Variants in SNRNP70 observed in about 807,000 individuals in gnomAD.
SNRNP70 encodes U1 small nuclear ribonucleoprotein 70 kDa.
Under a neutral mutation model 50.5 loss-of-function variants are expected in SNRNP70, and 8 were observed. The ratio of observed to expected loss-of-function variants is 0.16; its 90% confidence interval spans 0.09 to 0.29. The LOEUF is 0.29. Among genes scored for constraint, SNRNP70 ranks in the 10% least tolerant of loss-of-function variants. The probability of loss-of-function intolerance (pLI) is 1.00; values close to 1 mark genes in which losing one functional copy is unlikely to be tolerated. For missense variants in SNRNP70, 529 were observed against 663.5 expected (o/e 0.80, Z 2.23); for synonymous variants, 320 against 252.9 (o/e 1.27, Z -2.52).
chr19:49,099,102 G>C (rs1463218003), intron 6 of SNRNP70, among the ~76,000 whole-genome samples: 1 of 151,982 alleles, frequency 6.6e-6, no homozygotes, highest in Non-Finnish European at 1.5e-5. Context: ...TCCCGTTTTA[G>C]AGGAAGGCTT....
chr19:49,104,777 G>A lies in SNRNP70; in HGVS notation c.577+42G>A. The A allele has an allele frequency of 1.5e-6, 2 of 1,320,942 alleles. No individual in the cohort carries two copies. Among genetic ancestry groups the A allele is most frequent in the South Asian group, 1.4e-5 (1 of 71,954 alleles). The allele number at this position is 1,320,942 out of a possible 1,614,324, so 81.8% of individuals were successfully genotyped here. A position where few individuals can be genotyped will look rare whatever the true frequency, so the allele number is the denominator to read the frequency against. ...TTCGACGGGCTCTCGGGGGCCCTGG[G>A]CCTGGTGGCCTTGTTCTCCCTTCTC... On this transcript the variant is annotated intron_variant, in intron 8 of 9. Coordinates refer to ENST00000598441, the MANE Select transcript of SNRNP70 (RefSeq NM_003089.6). This position sits in a 1 kb window ranked among gnomAD's most constrained non-coding sequence, Gnocchi z 5.4.
intron 2 of SNRNP70, among the ~76,000 whole-genome samples, chr19:49,089,183 A>G (rs1401815602): frequency 6.6e-6 from 1 of 152,208 alleles, no homozygotes; most frequent in African/African-American, 2.4e-5. Flanking sequence ...AGAAAGATCT[A>G]CAGTCAGGAG....
intron 6 of SNRNP70, among the ~76,000 whole-genome samples, chr19:49,099,226 C>T (rs957974544): frequency 1.3e-5 from 2 of 152,200 alleles, no homozygotes; most frequent in African/African-American, 4.8e-5. Flanking sequence ...GGCCATCCTA[C>T]ACACAAACTG....
At chr19:49,086,937 G>A (rs1334556765) in intron 2 of SNRNP70, among the ~76,000 whole-genome samples, 1 of 151,924 alleles carries the variant, frequency 6.6e-6, no homozygotes, top group Non-Finnish European at 1.5e-5. Flanking sequence ...TGTAATCCCA[G>A]TACTTTGGGA....
chr19:49,087,107 G>A (rs2122299629), intron 2 of SNRNP70, among the ~76,000 whole-genome samples: 1 of 148,896 alleles, frequency 6.7e-6, no homozygotes, highest in East Asian at 2.0e-4. Context: ...TTGAACCCAG[G>A]AGGCGGAGGT....
chr19:49,107,534 C>T lies in SNRNP70; in HGVS notation c.578-91C>T. 7.9e-7 allele frequency: 1 copy of T among 1,261,596 alleles called. No homozygotes were observed. Among genetic ancestry groups the T allele is most frequent in the Non-Finnish European group, 1.2e-6 (1 of 867,690 alleles). 78.2% of individuals were successfully genotyped at this position (1,261,596 alleles called of 1,614,324 possible). A position where few individuals can be genotyped will look rare whatever the true frequency, so the allele number is the denominator to read the frequency against. On this transcript the variant is annotated intron_variant, in intron 8 of 9. Coordinates refer to ENST00000598441, the MANE Select transcript of SNRNP70 (RefSeq NM_003089.6). This position sits in a 1 kb window ranked among gnomAD's most constrained non-coding sequence, Gnocchi z 6.0. The stretch of plus-strand genomic sequence containing the variant: ...TGAACACTAAGCCAGGGGCTGCCTT[C>T]CTGCCCTTTGCTCTTGGAGTCGGCT...
In SNRNP70 at chr19:49,108,273, G is replaced by A; in HGVS notation, c.1144G>A (p.Glu382Lys). The change falls in exon 10 of 10, where the codon GAG (glutamate) becomes AAG (lysine). Residue 382 changes from glutamate to lysine, a missense_variant. Physicochemically the swap from Glu to Lys is moderately conservative, Grantham distance 56. Coordinates refer to ENST00000598441, the MANE Select transcript of SNRNP70 (RefSeq NM_003089.6). Reference protein sequence around the residue: ...RDRDREHKRGERGSERGRDEA... With the variant: ...RDRDREHKRGKRGSERGRDEA... ...CCGTGACCGCGAGCACAAACGGGGG[G>A]AGCGGGGCAGTGAGCGGGGCAGGGA... 4 of 1,558,778 alleles carry A rather than the reference G, an allele frequency of 2.6e-6. No individual in the cohort carries two copies. The highest frequency in any genetic ancestry group is 3.5e-6 in the Non-Finnish European group (4 of 1,152,118).
At chr19:49,099,282 T>C (rs940436581) in intron 6 of SNRNP70, among the ~76,000 whole-genome samples, 2 of 152,182 alleles carry the variant, frequency 1.3e-5, no homozygotes, top group African/African-American at 4.8e-5. Context: ...GATACGTCTT[T>C]TAAAAATATT....
chr19:49,091,512 A>G (rs747081384), intron 4 of SNRNP70, among the ~76,000 whole-genome samples: 26 of 152,160 alleles, frequency 1.7e-4, no homozygotes, highest in Non-Finnish European at 2.2e-4. Context: ...GAGCAGTGGG[A>G]CGCACCCTCT....
chr19:49,093,256 AT>A (rs2040470520), intron 4 of SNRNP70, among the ~76,000 whole-genome samples: 1 of 151,346 alleles, frequency 6.6e-6, no homozygotes, highest in Non-Finnish European at 1.5e-5. Flanking sequence ...TGCCTGGCTA[AT>A]TTTGTATTTT....
intron 6 of SNRNP70, among the ~76,000 whole-genome samples, chr19:49,099,323 C>T (rs1429830431): frequency 1.3e-5 from 2 of 152,270 alleles, no homozygotes; most frequent in East Asian, 1.9e-4. Context: ...CAATGGCTCA[C>T]ACCTGTAATC....
Position 49,104,610 on chromosome 19 carries a change from TC to T in SNRNP70, c.476-19del. 4.6e-6 allele frequency: 7 copies of T among 1,528,520 alleles called. No homozygotes were observed. The highest frequency in any genetic ancestry group is 6.2e-6 in the Non-Finnish European group (7 of 1,126,792). 94.7% of individuals were successfully genotyped at this position (1,528,520 alleles called of 1,614,324 possible). ...GGACCCTCTGGGGACTCCTCTCCCC[TC>T]CCCCTCCCCACATCTGTTACAGCCG... On this transcript the variant is annotated intron_variant, in intron 7 of 9. Transcript: ENST00000598441. The surrounding 1 kb of genome is among the most constrained non-coding windows in gnomAD (Gnocchi z 5.4).
At chr19:49,090,934 T>C (rs2040439782) in intron 4 of SNRNP70, among the ~76,000 whole-genome samples, 1 of 152,188 alleles carries the variant, frequency 6.6e-6, no homozygotes, top group South Asian at 2.1e-4. Context: ...AGGTGTGTTG[T>C]TGCCATTAAC....
At chr19:49,102,036 TG>T in intron 7 of SNRNP70, 1 of 501,798 alleles carries the variant, frequency 2.0e-6, no homozygotes, top group South Asian at 1.8e-5. Context: ...TGGGCAGGGA[TG>T]GGTGGGGGAG....
chr19:49,107,453 T>A lies in SNRNP70; in HGVS notation c.578-172T>A, dbSNP rs2040686948. Among the ~76,000 whole-genome samples the A allele has an allele frequency of 6.6e-6, 1 of 152,136 alleles. No individual in the cohort carries two copies. Among genetic ancestry groups the A allele is most frequent in the South Asian group, 2.1e-4 (1 of 4,834 alleles). On this transcript the variant is annotated intron_variant, in intron 8 of 9. Transcript: ENST00000598441. This position sits in a 1 kb window ranked among gnomAD's most constrained non-coding sequence, Gnocchi z 6.0. ...TTGTGTGAGTTAATTAGAGAAGACGTGGCTGTCTTGTGATGGGAGTGCGCG... is the reference window on the plus strand; with the variant it reads ...TTGTGTGAGTTAATTAGAGAAGACGAGGCTGTCTTGTGATGGGAGTGCGCG...
Position 49,108,471 on chromosome 19 carries a change from T to G in SNRNP70, c.*28T>G, listed in dbSNP as rs959888299. 5 of 1,563,574 alleles carry G rather than the reference T, an allele frequency of 3.2e-6. No individual in the cohort carries two copies. Among genetic ancestry groups the G allele is most frequent in the Middle Eastern group, 1.8e-4 (1 of 5,634 alleles). The stretch of plus-strand genomic sequence containing the variant: ...AGGTCGTCCTCTCCATCTGCTGTGT[T>G]TGGACGCGTTCCTGCCCAGCCCCTT... On this transcript the variant is annotated 3_prime_UTR_variant, in exon 10 of 10. Transcript: ENST00000598441.
At chr19:49,098,378 T>G in intron 4 of SNRNP70, 49 bp from the exon 5 acceptor site, 7 of 1,471,646 alleles carry the variant, frequency 4.8e-6, no homozygotes, top group Non-Finnish European at 5.6e-6. Context: ...TTTTGCTACC[T>G]GAGACCATGG....
chr19:49,107,754 C>G lies in SNRNP70; in HGVS notation c.666-41C>G, dbSNP rs759309663. 3.1e-6 allele frequency: 5 copies of G among 1,612,210 alleles called. No individual in the cohort carries two copies. The highest frequency in any genetic ancestry group is 2.7e-5 in the African/African-American group (2 of 74,912). On this transcript the variant is annotated intron_variant, in intron 9 of 9. Coordinates refer to ENST00000598441, the MANE Select transcript of SNRNP70 (RefSeq NM_003089.6). The surrounding 1 kb of genome is among the most constrained non-coding windows in gnomAD (Gnocchi z 6.0). ...GGTGTCCTGGGGTGGGGGGCGGTCA[C>G]GGGGGGAGCCCAGCCACACAGGTCT...
chr19:49,101,592 C>T (rs554078768), intron 7 of SNRNP70, 121 bp downstream of exon 7: 22 of 688,070 alleles, frequency 3.2e-5, no homozygotes, highest in South Asian at 3.0e-4. Flanking sequence ...GTCTCTTCTC[C>T]TCCTCCCTCT....
Sources: gnomAD v4.1 joint callset for allele counts (sites outside exome capture counted in the v4.1 genomes callset) on GRCh38, gnomAD v4.1.1 for gene constraint, Gnocchi (gnomAD v3.1) non-coding constraint, MANE v1.5 for transcripts, NCBI Gene and HGNC (gene_info 2026-07-23, HGNC 2026-07-21) for gene names.